Variants in GPHN observed in about 807,000 individuals in gnomAD.
The protein encoded by GPHN is gephyrin.
GPHN carries 17 observed loss-of-function variants against 95.5 expected under a neutral mutation model. The observed-to-expected ratio is 0.18, with a 90% CI of 0.12 to 0.27. The LOEUF (loss-of-function observed/expected upper bound fraction) is 0.27, where lower values mean the gene tolerates loss of function less well. GPHN is among the 10% of genes least tolerant of loss of function. GPHN has a pLI of 1.00. For missense variants in GPHN, 660 were observed against 978.1 expected (o/e 0.67, Z 4.34); for synonymous variants, 320 against 322.5 (o/e 0.99, Z 0.08).
chr14:67,581,344 G>C, the GPHN span, among the ~76,000 whole-genome samples: 3 of 151,982 alleles, frequency 2.0e-5, no homozygotes, highest in Admixed American at 6.5e-5. Context: ...GGGCAACATG[G>C]CAAAACCCCA....
intron 1 of GPHN, among the ~76,000 whole-genome samples, chr14:66,576,739 A>G (rs146023287): frequency 2.4e-4 from 36 of 152,340 alleles, no homozygotes; most frequent in African/African-American, 8.4e-4. Flanking sequence ...TAATGTATTT[A>G]TGTAATCAAG....
the GPHN span, among the ~76,000 whole-genome samples, chr14:67,556,099 A>G: frequency 6.6e-6 from 1 of 152,216 alleles, no homozygotes; most frequent in Non-Finnish European, 1.5e-5. Context: ...AGGCTAGACT[A>G]TGCTGTGGTA....
chr14:67,585,616 A>C, the GPHN span: 1 of 1,583,904 alleles, frequency 6.3e-7, no homozygotes. Flanking sequence ...GATTGCTGTG[A>C]ATGAGGATGG....
intron 10 of GPHN, among the ~76,000 whole-genome samples, chr14:67,039,248 T>A (rs2074579602): frequency 6.6e-6 from 1 of 152,152 alleles, no homozygotes; most frequent in Non-Finnish European, 1.5e-5. Context: ...TCTTTGTAAT[T>A]TTGTTCATAT....
chr14:67,727,007 C>T, the GPHN span: 1 of 1,613,152 alleles, frequency 6.2e-7, no homozygotes, highest in Non-Finnish European at 8.5e-7. Context: ...CTACCTGCTC[C>T]TGGAGCGGCT....
In GPHN at chr14:66,922,810, C is replaced by T. The variant is rs568241284; in HGVS notation, c.601C>T (p.Pro201Ser). Residue 201 changes from proline to serine, a missense_variant, in exon 7 of 23, where the codon CCC becomes TCC. Coordinates refer to ENST00000478722, the MANE Select transcript of GPHN (RefSeq NM_020806.5). ...TCTTTCCCCTCCTCCTACTACCAGC[C>T]CCCATAAACAGACAGAAGACAAAGG... ...PPLSPPPTTS[P>S]HKQTEDKGVQ... 5.6e-6 allele frequency: 9 copies of T among 1,613,628 alleles called. No individual in the cohort carries two copies. In the Admixed American group the frequency reaches 8.3e-5, roughly 15 times the overall value.
At chr14:67,399,513 G>A in the GPHN span, among the ~76,000 whole-genome samples, 16,788 of 137,534 alleles carry the variant, frequency 0.12, 2,257 homozygotes, top group East Asian at 0.42. Context: ...GAGAAGGGTC[G>A]TTTAGGTGGT....
At chr14:66,671,278 A>G (rs1349140780) in intron 1 of GPHN, among the ~76,000 whole-genome samples, 2 of 152,212 alleles carry the variant, frequency 1.3e-5, no homozygotes, top group African/African-American at 2.4e-5. Flanking sequence ...TAATCACTTA[A>G]TGAAGATAAG....
chr14:66,706,877 A>G (rs1391449602), intron 2 of GPHN, among the ~76,000 whole-genome samples: 1 of 151,344 alleles, frequency 6.6e-6, no homozygotes, highest in Non-Finnish European at 1.5e-5. Context: ...TGAACAGGCA[A>G]CCTACAGAAT....
At chr14:67,029,488 C>G (rs2153629884) in intron 10 of GPHN, among the ~76,000 whole-genome samples, 1 of 152,238 alleles carries the variant, frequency 6.6e-6, no homozygotes, top group African/African-American at 2.4e-5. Flanking sequence ...CAGGCATGCG[C>G]CACCACACCC....
the GPHN span, among the ~76,000 whole-genome samples, chr14:67,564,310 G>A: frequency 3.9e-5 from 6 of 152,128 alleles, no homozygotes. Context: ...TTCCTTACTT[G>A]TAACATTGGA....
the GPHN span, among the ~76,000 whole-genome samples, chr14:67,346,093 A>C: frequency 3.9e-5 from 6 of 152,258 alleles, no homozygotes; most frequent in East Asian, 1.2e-3. Flanking sequence ...TATAACTACA[A>C]AGGAAGCTTT....
the GPHN span, among the ~76,000 whole-genome samples, chr14:67,700,637 C>T: frequency 6.6e-6 from 1 of 151,348 alleles, no homozygotes; most frequent in South Asian, 2.1e-4. Context: ...ATGGCGTGAA[C>T]CTGGGAGGCG....
At chr14:66,903,053 A>T (rs2065196189) in intron 5 of GPHN, among the ~76,000 whole-genome samples, 1 of 152,188 alleles carries the variant, frequency 6.6e-6, no homozygotes. Context: ...AACCAGGAAG[A>T]AGAAAAGAAT....
intron 8 of GPHN, among the ~76,000 whole-genome samples, chr14:66,948,176 A>T (rs974880604): frequency 1.2e-4 from 19 of 152,292 alleles, no homozygotes; most frequent in Non-Finnish European, 2.5e-4. Context: ...CCTAAAAGGC[A>T]ATTACACGGG....
the GPHN span, among the ~76,000 whole-genome samples, chr14:67,551,257 C>G: frequency 6.6e-6 from 1 of 152,184 alleles, no homozygotes; most frequent in South Asian, 2.1e-4. Flanking sequence ...GGCTGTATTA[C>G]TAGTCATGCT....
intron 19 of GPHN, 67 bp from the exon 20 acceptor site, chr14:67,165,095 T>C (rs1302039669): frequency 9.6e-7 from 1 of 1,044,596 alleles, no homozygotes; most frequent in Non-Finnish European, 1.5e-6. Context: ...ACAAAAACAC[T>C]GGAGTACTTA....
intron 1 of GPHN, among the ~76,000 whole-genome samples, chr14:66,654,976 T>G (rs943301124): frequency 1.3e-5 from 2 of 152,192 alleles, no homozygotes; most frequent in Non-Finnish European, 2.9e-5. Context: ...TTCACTGATT[T>G]ATATGTTTAT....
chr14:67,360,656 G>A, the GPHN span: 2 of 157,604 alleles, frequency 1.3e-5, no homozygotes, highest in African/African-American at 2.4e-5. Flanking sequence ...GTGTTCCAGA[G>A]GCATCGTTGT....
Sources: allele counts gnomAD v4.1 joint callset (sites outside exome capture counted in the v4.1 genomes callset), GRCh38; gene constraint gnomAD v4.1.1; transcripts MANE v1.5; gene names NCBI Gene and HGNC (gene_info 2026-07-23, HGNC 2026-07-21).